THUMPD2: variants seen among roughly 807,000 people sequenced by gnomAD.
THUMPD2 encodes U6 snRNA (guanine-N(2))-methyltransferase THUMPD2.
THUMPD2 carries 56 observed loss-of-function variants against 49.4 expected under a neutral mutation model. That is an observed-to-expected ratio of 1.13 (90% CI 0.91 to 1.41). THUMPD2 has a LOEUF of 1.41. THUMPD2 is among the 40% of genes most tolerant of loss of function. THUMPD2 has a pLI of 0.00. For missense variants in THUMPD2, 709 were observed against 594.5 expected, an observed-to-expected ratio of 1.19 and a Z score of -2.00; for synonymous variants, 237 against 205.2, an observed-to-expected ratio of 1.15 and a Z score of -1.32.
intron 7 of THUMPD2, 145 bp downstream of exon 7, chr2:39,755,744 T>G (rs1676013257): frequency 3.2e-6 from 2 of 622,200 alleles, no homozygotes; most frequent in South Asian, 2.3e-5. Context: ...CATTAGTCCC[T>G]CATCATCTAT....
At chr2:39,763,598 T>G (rs190263627) in intron 5 of THUMPD2, among the ~76,000 whole-genome samples, 224 of 152,322 alleles carry the variant, frequency 1.5e-3, no homozygotes, top group Admixed American at 3.5e-3. Flanking sequence ...CCTTAACTAT[T>G]TTTTGATTTC....
intron 8 of THUMPD2, among the ~76,000 whole-genome samples, chr2:39,752,293 A>G (rs902705383): frequency 3.3e-5 from 5 of 152,156 alleles, no homozygotes; most frequent in Non-Finnish European, 5.9e-5. Context: ...GAGAAAATAA[A>G]GAGAGGTCCA....
intron 2 of THUMPD2, among the ~76,000 whole-genome samples, chr2:39,771,303 C>T (rs890929015): frequency 1.3e-5 from 2 of 152,030 alleles, no homozygotes; most frequent in Non-Finnish European, 2.9e-5. Flanking sequence ...ATTAAAAAGG[C>T]AGCACGCAGG....
intron 8 of THUMPD2, among the ~76,000 whole-genome samples, chr2:39,751,620 C>G (rs1450529389): frequency 2.7e-5 from 4 of 149,410 alleles, no homozygotes; most frequent in African/African-American, 9.9e-5. Flanking sequence ...TCATTTGATT[C>G]TAAATTTTCA....
intron 9 of THUMPD2, among the ~76,000 whole-genome samples, chr2:39,737,616 T>C (rs1673273703): frequency 6.6e-6 from 1 of 152,096 alleles, no homozygotes; most frequent in African/African-American, 2.4e-5. Context: ...GAACATCTCT[T>C]TGGGAGAGAG....
Position 39,759,203 on chromosome 2 carries a change from A to G in THUMPD2, c.891+2128T>C, listed in dbSNP as rs114846952. On this transcript the variant is annotated intron_variant, in intron 6 of 9. Transcript: ENST00000505747. ...AGAGTAGTTTAAAGTTAAATTCACT[A>G]AATAGTTGAGGCAATAATTAAATAA... Among the ~76,000 whole-genome samples, 755 of 152,232 alleles carry G rather than the reference A, an allele frequency of 5.0e-3. 2 individuals are homozygous for G. The highest frequency in any genetic ancestry group is 0.014 in the African/African-American group (589 of 41,576).
intron 9 of THUMPD2, among the ~76,000 whole-genome samples, chr2:39,742,202 AAAAAC>A (rs937043612): frequency 3.3e-5 from 5 of 152,220 alleles, no homozygotes; most frequent in African/African-American, 7.2e-5. Context: ...TAAAAAAAAC[AAAAAC>A]AAAAGTCAGA....
intron 9 of THUMPD2, among the ~76,000 whole-genome samples, chr2:39,742,014 C>T (rs966318514): frequency 5.3e-5 from 8 of 152,226 alleles, no homozygotes; most frequent in African/African-American, 1.9e-4. Flanking sequence ...TTTAAATCCA[C>T]TGACTCAGAA....
intron 1 of THUMPD2, 104 bp downstream of exon 1, chr2:39,779,010 A>T: frequency 7.5e-7 from 1 of 1,324,950 alleles, no homozygotes; most frequent in African/African-American, 1.5e-5. Context: ...CGCGTGGAAC[A>T]GAGAGGGGCG....
intron 5 of THUMPD2, among the ~76,000 whole-genome samples, chr2:39,763,965 T>C (rs1558523535): frequency 6.6e-6 from 1 of 152,236 alleles, no homozygotes; most frequent in Non-Finnish European, 1.5e-5. Context: ...ACACTGAAAC[T>C]ACCTGCCATC....
rs1673064596 is a variant in THUMPD2 at position 39,736,194 on chromosome 2, T to C, written c.*541A>G. 6.6e-6 allele frequency: 1 copy of C among 152,264 alleles called. No individual in the cohort carries two copies. Among genetic ancestry groups the C allele is most frequent in the Admixed American group, 6.5e-5 (1 of 15,294 alleles). 9.4% of individuals were successfully genotyped at this position (152,264 alleles called of 1,614,324 possible). ...AAAGCAAATTTCATTTTCCATCATG[T>C]TTTGAAGGATACTGGCTTAATTCAG... On this transcript the variant is annotated 3_prime_UTR_variant, in exon 10 of 10. Transcript: ENST00000505747.
At position 39,748,171 on chromosome 2, in the gene THUMPD2, T is replaced by C. The variant is rs74649798; in HGVS notation, c.1079-3693A>G. Reference sequence around the variant, plus strand: ...CTTCATTTGTTGAATCCTTTGATTATAGATTTCCAGTATATTCTGAATAAA... The same window carrying C: ...CTTCATTTGTTGAATCCTTTGATTACAGATTTCCAGTATATTCTGAATAAA... On this transcript the variant is annotated intron_variant, in intron 8 of 9. Transcript: ENST00000505747. 5.2e-3 allele frequency among the ~76,000 whole-genome samples: 790 copies of C among 152,338 alleles called. 9 individuals carry two copies. The highest frequency in any genetic ancestry group is 0.017 in the African/African-American group (690 of 41,584).
chr2:39,737,021 C>T lies in THUMPD2; in HGVS notation c.1226G>A (p.Ser409Asn), dbSNP rs1673168770. The change falls in exon 10 of 10, where the codon AGT (serine) becomes AAT (asparagine). Residue 409 changes from serine to asparagine, a missense_variant. Coordinates refer to ENST00000505747, the MANE Select transcript of THUMPD2 (RefSeq NM_025264.5). ...TGTAAGGCGCCTGTGGTGATCTTCA[C>T]TAAGCAACAATACAATGGTTCCGCC... The part of the protein sequence containing the change: ...HVGGTIVLLL[S>N]EDHHRRLTDC... 4 of 1,613,504 alleles carry T rather than the reference C, an allele frequency of 2.5e-6. No homozygotes were observed. The highest frequency in any genetic ancestry group is 3.4e-6 in the Non-Finnish European group (4 of 1,179,694).
chr2:39,736,897 T>G lies in THUMPD2; in HGVS notation c.1350A>C (p.Ala450=), dbSNP rs1673151996. The G allele has an allele frequency of 1.2e-6, 2 of 1,614,100 alleles. No individual in the cohort carries two copies. The highest frequency in any genetic ancestry group is 1.7e-6 in the Non-Finnish European group (2 of 1,180,034). ...CGAATGAAGTTGACGCTGTCTTGAA[T>G]GCACCAGTTTTTTCTTCAGGATTCA... ...KCLNPEEKTG[A]FKTASTSFEA... The change falls in exon 10 of 10, where the codon GCA becomes GCC. Residue 450 remains alanine, a synonymous_variant. Transcript: ENST00000505747.
intron 9 of THUMPD2, 26 bp from the exon 10 acceptor site, chr2:39,737,085 GCTAT>G (rs772393242): frequency 1.3e-6 from 2 of 1,563,516 alleles, no homozygotes; most frequent in Non-Finnish European, 8.7e-7. Flanking sequence ...AATGGTAATT[GCTAT>G]CTTTCTCCTT....
chr2:39,768,402 A>C, intron 4 of THUMPD2, 22 bp downstream of exon 4: 1 of 1,582,684 alleles, frequency 6.3e-7, no homozygotes, highest in East Asian at 2.2e-5. Context: ...CAAGTATATA[A>C]AATAAAACAA....
At chr2:39,778,183 A>G (rs1246188805) in intron 1 of THUMPD2, among the ~76,000 whole-genome samples, 1 of 152,242 alleles carries the variant, frequency 6.6e-6, no homozygotes, top group Non-Finnish European at 1.5e-5. Flanking sequence ...TAGGGTAAAG[A>G]TCTAAGAACA....
intron 9 of THUMPD2, among the ~76,000 whole-genome samples, chr2:39,741,065 A>G (rs1158936315): frequency 6.6e-6 from 1 of 152,186 alleles, no homozygotes; most frequent in African/African-American, 2.4e-5. Flanking sequence ...AATGTTTACC[A>G]AATTGTATTC....
chr2:39,753,378 A>C (rs2148247560), intron 8 of THUMPD2, among the ~76,000 whole-genome samples: 1 of 152,204 alleles, frequency 6.6e-6, no homozygotes, highest in South Asian at 2.1e-4. Flanking sequence ...CTGTTCCTTT[A>C]CCAGATGCTC....
Sources: allele counts gnomAD v4.1 joint callset (sites outside exome capture counted in the v4.1 genomes callset), GRCh38; gene constraint gnomAD v4.1.1; transcripts MANE v1.5; gene names NCBI Gene and HGNC (gene_info 2026-07-23, HGNC 2026-07-21).